Variants in TMEM132D observed in about 807,000 individuals in gnomAD.
The protein encoded by TMEM132D is transmembrane protein 132D.
In TMEM132D, 21 loss-of-function variants were observed where a neutral mutation model predicts 62.3. That is an observed-to-expected ratio of 0.34 (90% CI 0.24 to 0.49). The LOEUF is 0.49. Among genes scored for constraint, TMEM132D ranks in the 20% least tolerant of loss-of-function variants. TMEM132D has a pLI of 0.99. For synonymous variants in TMEM132D, 621 were observed against 575.6 expected (o/e 1.08, Z -1.13); for missense variants, 1,346 against 1,402.8 (o/e 0.96, Z 0.65).
chr12:129,508,576 C>T (rs184154230), intron 3 of TMEM132D, among the ~76,000 whole-genome samples: 5 of 152,142 alleles, frequency 3.3e-5, no homozygotes, highest in East Asian at 3.9e-4. Context: ...GCCTCATGAC[C>T]GTAGGAAAAT....
rs530707768 is a variant in TMEM132D at position 129,201,020 on chromosome 12, C to G, written c.1443+8500G>C. Among the ~76,000 whole-genome samples the G allele has an allele frequency of 3.9e-5, 6 of 152,294 alleles. No homozygotes were observed. The South Asian group carries it at 1.2e-3, about 32-fold the overall frequency. ...ACCTGATTTCCACTGGTGTGTGTCT[C>G]TGGTGCAGAAGCAAGGGTGGATGTT... On this transcript the variant is annotated intron_variant, in intron 5 of 8. Coordinates refer to ENST00000422113, the MANE Select transcript of TMEM132D (RefSeq NM_133448.3).
At chr12:129,205,898 A>C (rs778801107) in intron 5 of TMEM132D, among the ~76,000 whole-genome samples, 4 of 152,178 alleles carry the variant, frequency 2.6e-5, no homozygotes, top group Non-Finnish European at 5.9e-5. Flanking sequence ...ATGGAAGTTA[A>C]ACAACCTACT....
chr12:129,754,444 T>C (rs1176111812), intron 1 of TMEM132D, among the ~76,000 whole-genome samples: 1 of 152,114 alleles, frequency 6.6e-6, no homozygotes, highest in Non-Finnish European at 1.5e-5. Flanking sequence ...ACAGGAGAGC[T>C]GTTACCAAAA....
At chr12:129,209,439 C>T in intron 5 of TMEM132D, 81 bp downstream of exon 5, 2 of 1,564,324 alleles carry the variant, frequency 1.3e-6, no homozygotes, top group Non-Finnish European at 1.7e-6. Flanking sequence ...CCCAGAGGTC[C>T]CAGAGGTCCC....
rs150592117 is a variant in TMEM132D at position 129,256,637 on chromosome 12, G to A, written c.1300-46974C>T. ...GAGTTTCGCGATGTTGGCTAGGCTG[G>A]TCTTGAACTCCTGACCTCAGGTGAT... is the stretch of plus-strand genomic sequence containing the variant. On this transcript the variant is annotated intron_variant, in intron 4 of 8. Coordinates refer to ENST00000422113, the MANE Select transcript of TMEM132D (RefSeq NM_133448.3). Among the ~76,000 whole-genome samples, 88 of 152,288 alleles carry A rather than the reference G, an allele frequency of 5.8e-4. 1 individual carries two copies. The East Asian group carries it at 0.017, about 29-fold the overall frequency.
intron 1 of TMEM132D, among the ~76,000 whole-genome samples, chr12:129,819,727 C>T (rs1872490822): frequency 6.6e-6 from 1 of 152,178 alleles, no homozygotes; most frequent in African/African-American, 2.4e-5. Context: ...GCTGCTGGTA[C>T]TGCTGTTCGT....
chr12:129,179,757 G>T (rs1414788207), intron 5 of TMEM132D, among the ~76,000 whole-genome samples: 1 of 152,152 alleles, frequency 6.6e-6, no homozygotes, highest in Non-Finnish European at 1.5e-5. Flanking sequence ...GCCGGGCCCG[G>T]TGGCTCACAC....
intron 2 of TMEM132D, among the ~76,000 whole-genome samples, chr12:129,656,165 T>G (rs1299558683): frequency 2.0e-5 from 3 of 152,056 alleles, no homozygotes; most frequent in Admixed American, 2.0e-4. Context: ...ATGATAAGAT[T>G]TATCTGGTGT....
At chr12:129,198,366 T>G (rs1878604499) in intron 5 of TMEM132D, among the ~76,000 whole-genome samples, 3 of 152,216 alleles carry the variant, frequency 2.0e-5, no homozygotes, top group Non-Finnish European at 4.4e-5. Context: ...CTCACTTCTA[T>G]GTTCACTGCA....
At chr12:129,092,799 T>C (rs1874973111) in intron 5 of TMEM132D, among the ~76,000 whole-genome samples, 1 of 152,224 alleles carries the variant, frequency 6.6e-6, no homozygotes, top group African/African-American at 2.4e-5. Flanking sequence ...CAATAACTTC[T>C]TCCACTTAAT....
chr12:129,841,751 T>C (rs1873199798), intron 1 of TMEM132D, among the ~76,000 whole-genome samples: 1 of 152,184 alleles, frequency 6.6e-6, no homozygotes. Flanking sequence ...GAGAATGTCC[T>C]CTCTTTTCCC....
At chr12:129,254,878 G>A (rs1435275481) in intron 4 of TMEM132D, among the ~76,000 whole-genome samples, 1 of 152,146 alleles carries the variant, frequency 6.6e-6, no homozygotes, top group Non-Finnish European at 1.5e-5. Flanking sequence ...GTAGTAGTTA[G>A]GTGGTATGAT....
At chr12:129,357,399 G>A (rs955381777) in intron 3 of TMEM132D, among the ~76,000 whole-genome samples, 1 of 148,210 alleles carries the variant, frequency 6.7e-6, no homozygotes, top group African/African-American at 2.5e-5. Context: ...AGGAAGGAAC[G>A]AAGGAAGGAA....
At chr12:129,221,486 T>C (rs978079586) in intron 4 of TMEM132D, among the ~76,000 whole-genome samples, 3 of 152,298 alleles carry the variant, frequency 2.0e-5, no homozygotes, top group African/African-American at 7.2e-5. Flanking sequence ...GCTGTCCTTC[T>C]GGGCAGCAGG....
intron 5 of TMEM132D, among the ~76,000 whole-genome samples, chr12:129,164,200 C>T (rs895439212): frequency 2.0e-5 from 3 of 152,208 alleles, no homozygotes; most frequent in Non-Finnish European, 4.4e-5. Flanking sequence ...GGTTCTGTGC[C>T]CCGCAGGAGT....
intron 2 of TMEM132D, among the ~76,000 whole-genome samples, chr12:129,569,741 A>T (rs1295787436): frequency 6.6e-6 from 1 of 152,160 alleles, no homozygotes; most frequent in African/African-American, 2.4e-5. Context: ...TGCCAGCCTA[A>T]TTCTACCCAG....
chr12:129,652,733 C>G lies in TMEM132D; in HGVS notation c.968+47077G>C, dbSNP rs1381187310. On this transcript the variant is annotated intron_variant, in intron 2 of 8. Coordinates refer to ENST00000422113, the MANE Select transcript of TMEM132D (RefSeq NM_133448.3). Reference sequence around the variant, plus strand: ...TTAGTCCAGTGAGCTCTCCTTCACACTTCTGATCCACAGAACTGTAAGACA... The same window carrying G: ...TTAGTCCAGTGAGCTCTCCTTCACAGTTCTGATCCACAGAACTGTAAGACA... Among the ~76,000 whole-genome samples the G allele has an allele frequency of 7.2e-5, 11 of 152,362 alleles. No homozygotes were observed. In the South Asian group the frequency reaches 2.3e-3, roughly 32 times the overall value.
At chr12:129,588,668 A>T (rs187840209) in intron 2 of TMEM132D, among the ~76,000 whole-genome samples, 1 of 149,966 alleles carries the variant, frequency 6.7e-6, no homozygotes, top group African/African-American at 2.5e-5. Context: ...TCCGCCTCCC[A>T]GGTTCACACC....
At chr12:129,532,452 T>A (rs1876257084) in intron 2 of TMEM132D, among the ~76,000 whole-genome samples, 1 of 152,202 alleles carries the variant, frequency 6.6e-6, no homozygotes, top group South Asian at 2.1e-4. Flanking sequence ...ATGACACTCA[T>A]AGGACCAGGG....
Sources: gnomAD v4.1 joint callset for allele counts (sites outside exome capture counted in the v4.1 genomes callset) on GRCh38, gnomAD v4.1.1 for gene constraint, MANE v1.5 for transcripts, NCBI Gene and HGNC (gene_info 2026-07-23, HGNC 2026-07-21) for gene names.